The following ASTN2 variants were observed in gnomAD, a reference collection of about 807,000 sequenced individuals.
ASTN2 encodes astrotactin 2.
In ASTN2, 54 loss-of-function variants were observed where a neutral mutation model predicts 139.8. That is an observed-to-expected ratio of 0.39 (90% CI 0.31 to 0.48). The LOEUF (loss-of-function observed/expected upper bound fraction) is 0.48. ASTN2 is among the 20% of genes least tolerant of loss of function. The pLI is 0.95. For missense variants in ASTN2, 1,565 were observed against 1,725.1 expected, an observed-to-expected ratio of 0.91 and a Z score of 1.64; for synonymous variants, 756 against 719.5, an observed-to-expected ratio of 1.05 and a Z score of -0.81.
chr9:116,841,350 A>G (rs1195374175), intron 11 of ASTN2, among the ~76,000 whole-genome samples: 4 of 152,310 alleles, frequency 2.6e-5, no homozygotes, highest in Admixed American at 2.6e-4. Context: ...TCGGCTCGGC[A>G]TGAGAGGGAG....
intron 1 of ASTN2, among the ~76,000 whole-genome samples, chr9:117,330,665 G>C (rs777675423): frequency 6.6e-6 from 1 of 152,112 alleles, no homozygotes; most frequent in African/African-American, 2.4e-5. Flanking sequence ...GAATGTAGCA[G>C]ACACAGCTCA....
At chr9:117,281,714 C>A (rs1017404571) in intron 2 of ASTN2, among the ~76,000 whole-genome samples, 2 of 152,070 alleles carry the variant, frequency 1.3e-5, no homozygotes, top group African/African-American at 4.8e-5. Flanking sequence ...AACCTGTCCG[C>A]CCCTCCCCAC....
At chr9:116,651,942 G>A (rs1379761363) in intron 16 of ASTN2, 149 bp from the exon 17 acceptor site, 19 of 985,950 alleles carry the variant, frequency 1.9e-5, no homozygotes, top group Non-Finnish European at 2.8e-5. Context: ...ATGATGCCTT[G>A]GAAAGACTGC....
intron 16 of ASTN2, among the ~76,000 whole-genome samples, chr9:116,676,044 G>C (rs554497902): frequency 6.6e-6 from 1 of 152,264 alleles, no homozygotes; most frequent in South Asian, 2.1e-4. Flanking sequence ...TAAGAATCTT[G>C]TCTATGGTTC....
intron 19 of ASTN2, among the ~76,000 whole-genome samples, chr9:116,493,623 C>T (rs1431240295): frequency 6.6e-6 from 1 of 151,768 alleles, no homozygotes. Flanking sequence ...CCTCTCCTTT[C>T]AGCAGTCCCT....
rs986963027 is a variant in ASTN2, at chr9:117,070,744, CTTCATTTCA to C, written c.1276+25291_1276+25299del. ...TTTTTTCTCTAAACTTCCCTTCTCACTTCATTTCATTCATTTCATCTTCCATTGCTGACA... is the reference window on the plus strand; with the variant it reads ...TTTTTTCTCTAAACTTCCCTTCTCACTTCATTTCATCTTCCATTGCTGACA... On this transcript the variant is annotated intron_variant, in intron 5 of 22. Transcript: ENST00000313400. Among the ~76,000 whole-genome samples the C allele has an allele frequency of 4.9e-4, 75 of 151,546 alleles. No individual in the cohort carries two copies. The East Asian group carries it at 0.012, about 25-fold the overall frequency.
intron 10 of ASTN2, among the ~76,000 whole-genome samples, chr9:116,910,254 CT>C (rs1834275019): frequency 6.6e-6 from 1 of 152,208 alleles, no homozygotes; most frequent in South Asian, 2.1e-4. Context: ...ATCGACAGCA[CT>C]TTAAAGATGC....
chr9:116,737,259 C>T (rs992435451), intron 13 of ASTN2, among the ~76,000 whole-genome samples: 1 of 152,112 alleles, frequency 6.6e-6, no homozygotes, highest in Non-Finnish European at 1.5e-5. Flanking sequence ...GCCTTTGCAT[C>T]GATCAGCTGT....
At chr9:116,922,959 T>C (rs758954044) in intron 10 of ASTN2, among the ~76,000 whole-genome samples, 5 of 152,198 alleles carry the variant, frequency 3.3e-5, no homozygotes, top group African/African-American at 9.7e-5. Context: ...AGGGGCCTTA[T>C]AGGGCAGAGG....
intron 1 of ASTN2, among the ~76,000 whole-genome samples, chr9:117,373,242 T>C (rs1377173435): frequency 6.6e-6 from 1 of 152,202 alleles, no homozygotes; most frequent in Non-Finnish European, 1.5e-5. Context: ...CTTAAAAGAC[T>C]TCTATAGATT....
intron 10 of ASTN2, among the ~76,000 whole-genome samples, chr9:116,883,219 C>A (rs1440001699): frequency 6.6e-6 from 1 of 152,176 alleles, no homozygotes; most frequent in African/African-American, 2.4e-5. Flanking sequence ...ATCATGATTT[C>A]TATGTATAAC....
chr9:116,801,054 G>A (rs998203367), intron 13 of ASTN2, among the ~76,000 whole-genome samples: 2 of 152,094 alleles, frequency 1.3e-5, no homozygotes, highest in African/African-American at 2.4e-5. Flanking sequence ...GATATCCTAG[G>A]CCAGCCAATT....
intron 4 of ASTN2, among the ~76,000 whole-genome samples, chr9:117,111,240 C>T (rs774776782): frequency 6.6e-6 from 1 of 152,104 alleles, no homozygotes; most frequent in Non-Finnish European, 1.5e-5. Context: ...GAAAAGACAA[C>T]CAGCAAAGGC....
At chr9:116,590,290 C>A (rs566465174) in intron 19 of ASTN2, among the ~76,000 whole-genome samples, 1 of 152,360 alleles carries the variant, frequency 6.6e-6, no homozygotes, top group South Asian at 2.1e-4. Flanking sequence ...CCTGCTCCCA[C>A]TGCCTGGCCT....
At chr9:116,608,928 A>G (rs1351967453) in intron 19 of ASTN2, among the ~76,000 whole-genome samples, 1 of 152,204 alleles carries the variant, frequency 6.6e-6, no homozygotes, top group Non-Finnish European at 1.5e-5. Context: ...TGGACTTCCA[A>G]AGGTGAAAAT....
chr9:116,677,565 T>C (rs1859584930), intron 16 of ASTN2, among the ~76,000 whole-genome samples: 1 of 152,138 alleles, frequency 6.6e-6, no homozygotes, highest in South Asian at 2.1e-4. Flanking sequence ...CAGAGAAGCA[T>C]GCTATTGGCC....
intron 13 of ASTN2, among the ~76,000 whole-genome samples, chr9:116,766,062 A>G (rs550573136): frequency 1.1e-4 from 16 of 152,302 alleles, no homozygotes; most frequent in African/African-American, 3.9e-4. Context: ...AAATGTATCT[A>G]AGGTGTTTAA....
chr9:116,795,258 G>A (rs559485542), intron 13 of ASTN2, among the ~76,000 whole-genome samples: 9 of 152,302 alleles, frequency 5.9e-5, no homozygotes, highest in East Asian at 3.9e-4. Context: ...GATTACAGGC[G>A]TGAGCCACTG....
intron 3 of ASTN2, among the ~76,000 whole-genome samples, chr9:117,202,335 T>C (rs1049102610): frequency 5.9e-5 from 9 of 152,168 alleles, no homozygotes; most frequent in African/African-American, 2.2e-4. Flanking sequence ...TTTAGTCCAT[T>C]TATATTTAGA....
Sources: gnomAD v4.1 joint callset for allele counts (sites outside exome capture counted in the v4.1 genomes callset) on GRCh38, gnomAD v4.1.1 for gene constraint, MANE v1.5 for transcripts, NCBI Gene and HGNC (gene_info 2026-07-23, HGNC 2026-07-21) for gene names.